RRP15: variants seen among roughly 807,000 people sequenced by gnomAD.
The protein encoded by RRP15 is RRP15-like protein.
Under a neutral mutation model 27.1 loss-of-function variants are expected in RRP15, and 18 were observed. The ratio of observed to expected loss-of-function variants is 0.66; its 90% CI spans 0.46 to 0.98. The LOEUF (loss-of-function observed/expected upper bound fraction) is 0.98, where lower values mean the gene tolerates loss of function less well. Ranked by LOEUF, RRP15 falls within the 50% of genes least tolerant of loss-of-function variation. The probability of loss-of-function intolerance (pLI) is 0.00; values close to 1 mark genes in which losing one functional copy is unlikely to be tolerated. For synonymous variants in RRP15, 107 were observed against 109.4 expected, an observed-to-expected ratio of 0.98 and a Z score of 0.14; for missense variants, 359 against 337.8, an observed-to-expected ratio of 1.06 and a Z score of -0.49.
Position 218,332,136 on chromosome 1 carries a change from T to C in RRP15, c.*1045T>C, listed in dbSNP as rs1656380968. 1 of 152,236 alleles carries C rather than the reference T, an allele frequency of 6.6e-6. No homozygotes were observed. Among genetic ancestry groups the C allele is most frequent in the Non-Finnish European group, 1.5e-5 (1 of 68,034 alleles). 9.4% of individuals were successfully genotyped at this position (152,236 alleles called of 1,614,324 possible). On this transcript the variant is annotated 3_prime_UTR_variant, in exon 5 of 5. Coordinates refer to ENST00000366932, the MANE Select transcript of RRP15 (RefSeq NM_016052.4). ...TGAGACAATTTCTCAGGAAGCAAGT[T>C]TGACATGCTTTAGTCTCTCTCTTCT...
At chr1:218,285,581 G>A (rs1655532753) in intron 1 of RRP15, 126 bp downstream of exon 1, 2 of 1,237,484 alleles carry the variant, frequency 1.6e-6, no homozygotes, top group Admixed American at 2.3e-5. Flanking sequence ...CTTCAGAGGG[G>A]CGACTTTGGC....
At chr1:218,330,823 T>G in intron 4 of RRP15, 125 bp from the exon 5 acceptor site, 1 of 669,228 alleles carries the variant, frequency 1.5e-6, no homozygotes, top group South Asian at 2.2e-5. Flanking sequence ...CGATTTATAA[T>G]TTCTCTTGGT....
At chr1:218,317,145 C>G (rs1328589244) in intron 4 of RRP15, among the ~76,000 whole-genome samples, 1 of 152,132 alleles carries the variant, frequency 6.6e-6, no homozygotes, top group Non-Finnish European at 1.5e-5. Context: ...GAATAATGTG[C>G]AGAACATCAT....
intron 4 of RRP15, among the ~76,000 whole-genome samples, chr1:218,317,189 C>T (rs60094367): frequency 0.077 from 11,690 of 152,232 alleles, 769 homozygotes; most frequent in African/African-American, 0.19. Flanking sequence ...TTGGGGATTA[C>T]GTGATACACA....
At chr1:218,304,989 T>A (rs1412272060) in intron 2 of RRP15, 39 bp from the exon 3 acceptor site, 4 of 1,552,178 alleles carry the variant, frequency 2.6e-6, no homozygotes, top group Non-Finnish European at 3.6e-6. Flanking sequence ...CTTTCAGAAA[T>A]ATCTAATATT....
chr1:218,323,414 C>T (rs556604779), intron 4 of RRP15, among the ~76,000 whole-genome samples: 1 of 152,298 alleles, frequency 6.6e-6, no homozygotes, highest in African/African-American at 2.4e-5. Flanking sequence ...CTTGTTGTCT[C>T]TGGGTCTGGC....
At chr1:218,314,235 A>C (rs1435653593) in intron 4 of RRP15, among the ~76,000 whole-genome samples, 1 of 152,160 alleles carries the variant, frequency 6.6e-6, no homozygotes, top group East Asian at 1.9e-4. Flanking sequence ...TTTTAAGTAA[A>C]GTTTTATAAA....
At chr1:218,302,100 A>G (rs1571797034) in intron 1 of RRP15, 194 bp from the exon 2 acceptor site, 1 of 520,844 alleles carries the variant, frequency 1.9e-6, no homozygotes, top group Non-Finnish European at 3.4e-6. Context: ...TGGCTGGGCG[A>G]GGTCTCTGGG....
chr1:218,323,622 A>C (rs1253506515), intron 4 of RRP15, among the ~76,000 whole-genome samples: 1 of 152,148 alleles, frequency 6.6e-6, no homozygotes, highest in African/African-American at 2.4e-5. Context: ...TTCTACCCAG[A>C]AGCCTGTCTG....
intron 4 of RRP15, among the ~76,000 whole-genome samples, chr1:218,314,648 CTG>C (rs916764562): frequency 6.6e-6 from 1 of 151,638 alleles, no homozygotes; most frequent in Non-Finnish European, 1.5e-5. Flanking sequence ...AATAATGAAA[CTG>C]AAATTATAAT....
chr1:218,314,731 A>T (rs935269698), intron 4 of RRP15, among the ~76,000 whole-genome samples: 1 of 152,054 alleles, frequency 6.6e-6, no homozygotes, highest in Non-Finnish European at 1.5e-5. Flanking sequence ...GGTGGCTCAC[A>T]TCTGTAATCT....
rs66715330 is a variant in RRP15 at position 218,313,972 on chromosome 1, T to TTTTTATTTTATTTTATTTTA, written c.705+6362_705+6381dup. ...ATATCTTGATGTTGACCCCGAGTGA[T>TTTTTATTTTATTTTATTTTA]TTTTATTTTATTTTATTTTATTTTA... On this transcript the variant is annotated intron_variant, in intron 4 of 4. Transcript: ENST00000366932. Among the ~76,000 whole-genome samples, 195 of 147,278 alleles carry TTTTTATTTTATTTTATTTTA rather than the reference T, an allele frequency of 1.3e-3. 2 individuals are homozygous for TTTTTATTTTATTTTATTTTA. The highest frequency in any genetic ancestry group is 4.6e-3 in the African/African-American group (181 of 39,698).
chr1:218,300,404 G>C (rs1267573248), intron 1 of RRP15, among the ~76,000 whole-genome samples: 1 of 151,930 alleles, frequency 6.6e-6, no homozygotes, highest in Non-Finnish European at 1.5e-5. Context: ...ATTTTTACTT[G>C]AAACGTATTA....
rs975341232 is a variant in RRP15, at chr1:218,315,573, G to T, written c.705+7941G>T. ...CTCTTGAGTAGCTGAGATTACAGGC[G>T]CATGCCACCGCACCTGGCTTTATTT... On this transcript the variant is annotated intron_variant, in intron 4 of 4. Transcript: ENST00000366932. 3.3e-5 allele frequency among the ~76,000 whole-genome samples: 5 copies of T among 151,468 alleles called. No homozygotes were observed. In the East Asian group the frequency reaches 9.7e-4, roughly 29 times the overall value.
At chr1:218,290,577 C>T (rs1324745319) in intron 1 of RRP15, among the ~76,000 whole-genome samples, 3 of 152,204 alleles carry the variant, frequency 2.0e-5, no homozygotes, top group African/African-American at 7.2e-5. Context: ...AAGCCATCCT[C>T]CCACCTCAGC....
At chr1:218,317,720 C>T (rs890007308) in intron 4 of RRP15, among the ~76,000 whole-genome samples, 21 of 146,492 alleles carry the variant, frequency 1.4e-4, no homozygotes, top group Non-Finnish European at 2.5e-4. Flanking sequence ...CCCCATGCCC[C>T]ACACCCTTTT....
rs144178749 is a variant in RRP15 at position 218,287,710 on chromosome 1, C to T, written c.139+2255C>T. Among the ~76,000 whole-genome samples, 55 of 152,232 alleles carry T rather than the reference C, an allele frequency of 3.6e-4. 1 individual carries two copies. The highest frequency in any genetic ancestry group is 2.4e-5 in the African/African-American group (1 of 41,552). On this transcript the variant is annotated intron_variant, in intron 1 of 4. Coordinates refer to ENST00000366932, the MANE Select transcript of RRP15 (RefSeq NM_016052.4). ...CTAGGCGTTGCTTACTTATATCTTA[C>T]GTGTATTATTGATAATATACTATGT...
At chr1:218,313,398 A>G (rs1415060066) in intron 4 of RRP15, among the ~76,000 whole-genome samples, 1 of 152,136 alleles carries the variant, frequency 6.6e-6, no homozygotes, top group Non-Finnish European at 1.5e-5. Context: ...ATGTAGAGGG[A>G]TATGGGAGAG....
At chr1:218,315,187 T>G (rs1449137693) in intron 4 of RRP15, among the ~76,000 whole-genome samples, 1 of 152,162 alleles carries the variant, frequency 6.6e-6, no homozygotes, top group African/African-American at 2.4e-5. Flanking sequence ...TTATTTGTCA[T>G]AAATGGCAAC....
Sources: allele counts gnomAD v4.1 joint callset (sites outside exome capture counted in the v4.1 genomes callset), GRCh38; gene constraint gnomAD v4.1.1; transcripts MANE v1.5; gene names NCBI Gene and HGNC (gene_info 2026-07-23, HGNC 2026-07-21).